The following ROBO2 variants were observed in gnomAD, a reference collection of about 807,000 sequenced individuals.
ROBO2 encodes the protein roundabout homolog 2.
ROBO2 carries 53 observed loss-of-function variants against 160.8 expected under a neutral mutation model. That is an observed-to-expected ratio of 0.33 (90% CI 0.26 to 0.41). The LOEUF is 0.41. Among genes scored for constraint, ROBO2 ranks in the 10% least tolerant of loss-of-function variants. ROBO2 has a pLI of 1.00. For missense variants in ROBO2, 1,577 were observed against 1,722.4 expected (o/e 0.92, Z 1.49); for synonymous variants, 664 against 611.7 (o/e 1.09, Z -1.26).
At chr3:75,921,256 T>G (rs1383666239) in intron 1 of ROBO2, among the ~76,000 whole-genome samples, 4 of 149,172 alleles carry the variant, frequency 2.7e-5, no homozygotes, top group African/African-American at 9.9e-5. Flanking sequence ...CATCTGCTTG[T>G]CTGTAAAGGA....
intron 5 of ROBO2, among the ~76,000 whole-genome samples, chr3:77,494,449 A>G (rs763182847): frequency 1.3e-5 from 2 of 152,048 alleles, no homozygotes; most frequent in Non-Finnish European, 2.9e-5. Flanking sequence ...GTGGTGGCAC[A>G]TACCTGTAAT....
intron 2 of ROBO2, among the ~76,000 whole-genome samples, chr3:76,498,452 G>C (rs2080272800): frequency 6.6e-6 from 1 of 151,964 alleles, no homozygotes; most frequent in African/African-American, 2.4e-5. Flanking sequence ...TAGATTTTCA[G>C]CATTATCACC....
intron 2 of ROBO2, among the ~76,000 whole-genome samples, chr3:77,131,882 C>G (rs2075884557): frequency 6.6e-6 from 1 of 152,064 alleles, no homozygotes; most frequent in Non-Finnish European, 1.5e-5. Context: ...AAGAAAATTA[C>G]TACAACTTTC....
At chr3:77,251,636 T>G (rs1014134396) in intron 2 of ROBO2, among the ~76,000 whole-genome samples, 1 of 152,162 alleles carries the variant, frequency 6.6e-6, no homozygotes, top group African/African-American at 2.4e-5. Context: ...GAATCTCACC[T>G]TGAATTGTAG....
At position 77,162,152 on chromosome 3, in the gene ROBO2, G is replaced by A. The variant is rs144153919; in HGVS notation, c.388+63812G>A. Among the ~76,000 whole-genome samples, 465 of 151,542 alleles carry A rather than the reference G, an allele frequency of 3.1e-3. 4 individuals are homozygous for A. Among genetic ancestry groups the A allele is most frequent in the African/African-American group, 0.011 (444 of 41,308 alleles). On this transcript the variant is annotated intron_variant, in intron 2 of 25. Coordinates refer to ENST00000461745, the Ensembl canonical transcript of ROBO2. ...TTCTCAGTATTAAAAAAAAAATAGG[G>A]CATATGGCAGAAAACCATACTCTGT...
intron 22 of ROBO2, among the ~76,000 whole-genome samples, chr3:77,621,937 A>G (rs1327709903): frequency 1.3e-5 from 2 of 152,178 alleles, no homozygotes; most frequent in African/African-American, 2.4e-5. Flanking sequence ...GAATATTCCT[A>G]GTCCCCTCTA....
At chr3:76,335,370 C>T (rs189534689) in intron 2 of ROBO2, among the ~76,000 whole-genome samples, 2 of 151,166 alleles carry the variant, frequency 1.3e-5, no homozygotes, top group African/African-American at 2.4e-5. Context: ...TGGTTAGAGA[C>T]GGGGTTTTAC....
At chr3:77,444,987 T>C (rs910694459) in intron 2 of ROBO2, among the ~76,000 whole-genome samples, 1 of 152,188 alleles carries the variant, frequency 6.6e-6, no homozygotes, top group Non-Finnish European at 1.5e-5. Context: ...TGATTTGGTG[T>C]TCTCATTCTT....
intron 2 of ROBO2, among the ~76,000 whole-genome samples, chr3:76,872,564 A>C (rs1023742102): frequency 1.3e-5 from 2 of 152,058 alleles, no homozygotes; most frequent in Non-Finnish European, 2.9e-5. Flanking sequence ...CATTCCAAAA[A>C]AGGTATAGAA....
rs78064755 is a variant in ROBO2 at position 76,340,642 on chromosome 3, T to C, written c.109+403040T>C. ...AGCATATTATGATTTTAAAATATTATATAGCTTCCCATTTTTGGAAGGGCA... is the reference window on the plus strand; with the variant it reads ...AGCATATTATGATTTTAAAATATTACATAGCTTCCCATTTTTGGAAGGGCA... On this transcript the variant is annotated intron_variant, in intron 2 of 26. Coordinates refer to the ROBO2 transcript ENST00000487694. Among the ~76,000 whole-genome samples the C allele has an allele frequency of 0.015, 2,255 of 152,276 alleles. 139 individuals are homozygous for C. In the East Asian group the frequency reaches 0.21, roughly 14 times the overall value.
At position 76,413,721 on chromosome 3, in the gene ROBO2, A is replaced by T. The variant is rs188389023; in HGVS notation, c.109+476119A>T. Among the ~76,000 whole-genome samples, 9 of 152,284 alleles carry T rather than the reference A, an allele frequency of 5.9e-5. No homozygotes were observed. The East Asian group carries it at 1.7e-3, about 29-fold the overall frequency. ...ATCAGCATTTTGGGTAAAGCCATTC[A>T]ACACGTCTCTAGGAAGTTTAAAACT... is the stretch of plus-strand genomic sequence containing the variant. On this transcript the variant is annotated intron_variant, in intron 2 of 26. Coordinates refer to the ROBO2 transcript ENST00000487694.
At chr3:77,625,488 G>C (rs1486850065) in intron 23 of ROBO2, among the ~76,000 whole-genome samples, 3 of 151,488 alleles carry the variant, frequency 2.0e-5, no homozygotes, top group Non-Finnish European at 4.4e-5. Flanking sequence ...AGCGATTCTC[G>C]TGCCTCAGCC....
chr3:75,981,104 G>C (rs903671943), intron 2 of ROBO2, among the ~76,000 whole-genome samples: 1 of 151,374 alleles, frequency 6.6e-6, no homozygotes, highest in Admixed American at 6.6e-5. Context: ...GATTATATTT[G>C]CCATAATGTA....
At chr3:77,150,450 T>G (rs2150519191) in intron 2 of ROBO2, among the ~76,000 whole-genome samples, 1 of 152,340 alleles carries the variant, frequency 6.6e-6, no homozygotes, top group South Asian at 2.1e-4. Context: ...GACAATATTT[T>G]TGGTAATCTT....
At chr3:76,746,139 C>G (rs1576381168) in intron 2 of ROBO2, among the ~76,000 whole-genome samples, 2 of 152,060 alleles carry the variant, frequency 1.3e-5, no homozygotes, top group East Asian at 3.9e-4. Flanking sequence ...CAATTTCATC[C>G]ATGTCCCTAA....
chr3:76,183,754 A>G (rs1379184408), intron 2 of ROBO2, among the ~76,000 whole-genome samples: 1 of 152,114 alleles, frequency 6.6e-6, no homozygotes, highest in Non-Finnish European at 1.5e-5. Flanking sequence ...GGCAGATATT[A>G]TCATGTTTAT....
chr3:76,219,453 T>TA (rs1320717390), intron 2 of ROBO2, among the ~76,000 whole-genome samples: 20 of 152,092 alleles, frequency 1.3e-4, no homozygotes, highest in African/African-American at 4.6e-4. Flanking sequence ...ATCCAGAATC[T>TA]ACAATGAACT....
chr3:77,575,970 T>C (rs1182825645), intron 14 of ROBO2, among the ~76,000 whole-genome samples: 3 of 152,064 alleles, frequency 2.0e-5, no homozygotes, highest in African/African-American at 7.2e-5. Flanking sequence ...CTGGGCTGTG[T>C]CTGGGAATGA....
chr3:77,346,569 C>T (rs185207266), intron 2 of ROBO2, among the ~76,000 whole-genome samples: 20 of 152,238 alleles, frequency 1.3e-4, no homozygotes, highest in Non-Finnish European at 1.8e-4. Flanking sequence ...TTAGGCTCAG[C>T]TACCTTTCTG....
Sources: gnomAD v4.1 joint callset for allele counts (sites outside exome capture counted in the v4.1 genomes callset) on GRCh38, gnomAD v4.1.1 for gene constraint, MANE v1.5 for transcripts, NCBI Gene and HGNC (gene_info 2026-07-23, HGNC 2026-07-21) for gene names.